HS3ST4: variants seen among roughly 807,000 people sequenced by gnomAD.
HS3ST4 encodes the protein heparan sulfate glucosamine 3-O-sulfotransferase 4.
HS3ST4 carries 17 observed loss-of-function variants against 29.2 expected under a neutral mutation model. The observed-to-expected ratio is 0.58, with a 90% CI of 0.40 to 0.87. The LOEUF is 0.87. HS3ST4 is among the 40% of genes least tolerant of loss of function. HS3ST4 has a pLI of 0.00. For synonymous variants in HS3ST4, 314 were observed against 285.7 expected, an observed-to-expected ratio of 1.10 and a Z score of -1.00; for missense variants, 627 against 634.5, an observed-to-expected ratio of 0.99 and a Z score of 0.13.
intron 1 of HS3ST4, chr16:25,826,447 C>T (rs1013421589): frequency 1.3e-5 from 2 of 152,082 alleles, no homozygotes; most frequent in Non-Finnish European, 2.9e-5. Context: ...GAGGACATGG[C>T]TCATAGAGGC....
rs1567320587 is a variant in HS3ST4 at position 26,135,843 on chromosome 16, G to T, written c.966G>T (p.Gly322=). ...TGGCCTTCAAAAACCGGACCCTCGG[G>T]CTGATCGATGCTTCCTGGAGTGCCA... ...EVLAFKNRTL[G]LIDASWSAIR... is the part of the protein sequence containing the mutation. Residue 322 remains glycine (G), a synonymous_variant, in exon 2 of 2, where the codon GGG becomes GGT. Coordinates refer to ENST00000331351, the MANE Select transcript of HS3ST4 (RefSeq NM_006040.3). 2 of 1,614,006 alleles carry T rather than the reference G, an allele frequency of 1.2e-6. No homozygotes were observed. The highest frequency in any genetic ancestry group is 2.2e-5 in the East Asian group (1 of 44,876).
chr16:25,944,668 G>T (rs1309179634), intron 1 of HS3ST4, among the ~76,000 whole-genome samples: 1 of 152,152 alleles, frequency 6.6e-6, no homozygotes, highest in Non-Finnish European at 1.5e-5. Flanking sequence ...TGTGGTGTGG[G>T]TGTGGTCCCA....
At position 25,925,880 on chromosome 16, in the gene HS3ST4, T is replaced by C. The variant is rs112704170; in HGVS notation, c.735-209732T>C. Among the ~76,000 whole-genome samples the C allele has an allele frequency of 2.3e-3, 348 of 152,210 alleles. 2 individuals carry two copies. The highest frequency in any genetic ancestry group is 5.4e-3 in the South Asian group (26 of 4,814). The stretch of plus-strand genomic sequence containing the variant: ...CCACCATCCTTTCATTCACAACTTG[T>C]GTCTCTCCTTCTACCTGCAATGTTA... On this transcript the variant is annotated intron_variant, in intron 1 of 1. Coordinates refer to ENST00000331351, the MANE Select transcript of HS3ST4 (RefSeq NM_006040.3).
chr16:25,994,563 AT>A (rs1185505603), intron 1 of HS3ST4, among the ~76,000 whole-genome samples: 1 of 151,984 alleles, frequency 6.6e-6, no homozygotes, highest in African/African-American at 2.4e-5. Flanking sequence ...CCACTTATTT[AT>A]TTTTTAAGAA....
intron 1 of HS3ST4, among the ~76,000 whole-genome samples, chr16:25,964,000 G>A (rs1009943367): frequency 1.6e-4 from 24 of 151,956 alleles, no homozygotes; most frequent in Admixed American, 6.6e-4. Context: ...ATGAAACCCC[G>A]TCTCTACTTT....
intron 1 of HS3ST4, among the ~76,000 whole-genome samples, chr16:26,104,645 G>C (rs1899028748): frequency 6.6e-6 from 1 of 152,112 alleles, no homozygotes; most frequent in Non-Finnish European, 1.5e-5. Context: ...TCCCAATCCA[G>C]ATCTATTAAC....
intron 1 of HS3ST4, among the ~76,000 whole-genome samples, chr16:26,062,333 G>T (rs1252291191): frequency 6.6e-6 from 1 of 152,138 alleles, no homozygotes; most frequent in Non-Finnish European, 1.5e-5. Flanking sequence ...GTAAAATGGG[G>T]TAGTCATAAC....
chr16:25,936,849 T>C (rs1423799007), intron 1 of HS3ST4, among the ~76,000 whole-genome samples: 2 of 152,226 alleles, frequency 1.3e-5, no homozygotes, highest in Admixed American at 1.3e-4. Flanking sequence ...TTTTGTAGCA[T>C]AATATAATTT....
intron 1 of HS3ST4, among the ~76,000 whole-genome samples, chr16:25,865,757 A>G (rs896355298): frequency 6.6e-6 from 1 of 152,160 alleles, no homozygotes; most frequent in Admixed American, 6.6e-5. Flanking sequence ...TGTTGGGAAA[A>G]CTGGATACCC....
At chr16:25,807,171 G>A (rs573937737) in intron 1 of HS3ST4, among the ~76,000 whole-genome samples, 43 of 152,032 alleles carry the variant, frequency 2.8e-4, no homozygotes, top group African/African-American at 8.7e-4. Context: ...ACGGAGTTTC[G>A]CCATGTTGAC....
intron 1 of HS3ST4, among the ~76,000 whole-genome samples, chr16:25,812,253 A>C (rs1277028877): frequency 1.3e-5 from 2 of 152,168 alleles, no homozygotes; most frequent in East Asian, 3.9e-4. Flanking sequence ...CCATGTGGCA[A>C]ATGTCACAAA....
chr16:25,960,752 G>A (rs1968786190), intron 1 of HS3ST4, among the ~76,000 whole-genome samples: 1 of 152,224 alleles, frequency 6.6e-6, no homozygotes, highest in African/African-American at 2.4e-5. Flanking sequence ...AGTTTCTGGG[G>A]AGTTCAAAAT....
rs556280985 is a variant in HS3ST4 at position 26,012,084 on chromosome 16, A to C, written c.735-123528A>C. ...TGAAGGCAATATGCACAAATTCCAAATCTATCTCAAGAATTCATCAACCAG... is the reference window on the plus strand; with the variant it reads ...TGAAGGCAATATGCACAAATTCCAACTCTATCTCAAGAATTCATCAACCAG... On this transcript the variant is annotated intron_variant, in intron 1 of 1. Transcript: ENST00000331351. Among the ~76,000 whole-genome samples the C allele has an allele frequency of 2.0e-5, 3 of 152,318 alleles. No individual in the cohort carries two copies. The South Asian group carries it at 6.2e-4, about 32-fold the overall frequency.
chr16:26,084,875 G>A (rs1898767229), intron 1 of HS3ST4, among the ~76,000 whole-genome samples: 1 of 152,098 alleles, frequency 6.6e-6, no homozygotes, highest in African/African-American at 2.4e-5. Context: ...CTCCCAAAGT[G>A]CAGGGATTTC....
intron 1 of HS3ST4, among the ~76,000 whole-genome samples, chr16:26,098,411 A>T (rs566151574): frequency 6.6e-6 from 1 of 152,318 alleles, no homozygotes; most frequent in South Asian, 2.1e-4. Flanking sequence ...GCCGTAAAAA[A>T]GGGTGAGTTC....
intron 1 of HS3ST4, among the ~76,000 whole-genome samples, chr16:25,997,186 T>G (rs1969165434): frequency 6.6e-6 from 1 of 152,220 alleles, no homozygotes; most frequent in South Asian, 2.1e-4. Flanking sequence ...TCTCCTTTTC[T>G]TGTCTTATTG....
rs765841511 is a variant in HS3ST4 at position 25,776,827 on chromosome 16, C to T, written c.734+83676C>T. On this transcript the variant is annotated intron_variant, in intron 1 of 1. Coordinates refer to ENST00000331351, the MANE Select transcript of HS3ST4 (RefSeq NM_006040.3). ...CGACAATGTTTAAACTCTAAAATCT[C>T]TTTCTTTGTATCATTTCTAAGTTTC... 3.2e-4 allele frequency among the ~76,000 whole-genome samples: 48 copies of T among 152,170 alleles called. 1 individual carries two copies. The highest frequency in any genetic ancestry group is 2.2e-4 in the Non-Finnish European group (15 of 68,024).
intron 1 of HS3ST4, among the ~76,000 whole-genome samples, chr16:26,022,711 T>G (rs923390059): frequency 2.6e-5 from 4 of 151,376 alleles, no homozygotes; most frequent in African/African-American, 9.7e-5. Context: ...AGTCTTGCTA[T>G]GTTGCCCAGG....
intron 1 of HS3ST4, among the ~76,000 whole-genome samples, chr16:26,126,919 A>G (rs1899351175): frequency 6.6e-6 from 1 of 152,094 alleles, no homozygotes; most frequent in Admixed American, 6.5e-5. Flanking sequence ...CATCTTTTTT[A>G]GTCCACAAAA....
Sources: gnomAD v4.1 joint callset for allele counts (sites outside exome capture counted in the v4.1 genomes callset) on GRCh38, gnomAD v4.1.1 for gene constraint, MANE v1.5 for transcripts, NCBI Gene and HGNC (gene_info 2026-07-23, HGNC 2026-07-21) for gene names.